Variants in CCDC3 observed in about 807,000 individuals in gnomAD.
CCDC3 encodes the protein coiled-coil domain-containing protein 3.
CCDC3 carries 24 observed loss-of-function variants against 21.4 expected under a neutral mutation model. The observed-to-expected ratio is 1.12, with a 90% CI of 0.81 to 1.58. The LOEUF is 1.58. CCDC3 is among the 40% of genes most tolerant of loss of function. CCDC3 has a pLI of 0.00. For missense variants in CCDC3, 425 were observed against 360.9 expected (o/e 1.18, Z -1.44); for synonymous variants, 186 against 166.0 (o/e 1.12, Z -0.93).
Position 13,001,239 on chromosome 10 carries a change from G to T in CCDC3, c.332C>A (p.Ser111Tyr). The change falls in exon 1 of 3, where the codon TCC (serine) becomes TAC (tyrosine). Residue 111 changes from serine (S) to tyrosine (Y), a missense_variant. Transcript: ENST00000378825. Reference protein sequence around the residue: ...LTGLGYFSCHSHTVVQDYSYF... With the variant: ...LTGLGYFSCHYHTVVQDYSYF... ...GGAGTAGTCCTGGACCACGGTGTGG[G>T]AGTGGCACGAGAAGTAGCCCAGGCC... The T allele has an allele frequency of 6.3e-7, 1 of 1,582,786 alleles. No individual in the cohort carries two copies. Among genetic ancestry groups the T allele is most frequent in the Non-Finnish European group, 8.6e-7 (1 of 1,165,104 alleles).
At chr10:13,022,814 G>A (rs1356177476) in intron 5 of CCDC3, among the ~76,000 whole-genome samples, 1 of 152,090 alleles carries the variant, frequency 6.6e-6, no homozygotes, top group Non-Finnish European at 1.5e-5. Context: ...AAGTAGAGTG[G>A]AAGTCTACTG....
At chr10:13,040,687 T>TCACTCACACACACACA (rs1554763772) in intron 5 of CCDC3, among the ~76,000 whole-genome samples, 11 of 142,754 alleles carry the variant, frequency 7.7e-5, no homozygotes, top group African/African-American at 2.9e-4. Context: ...CAAAACTCTG[T>TCACTCACACACACACA]CACACACACA....
chr10:13,090,432 G>T (rs1588422541), intron 3 of CCDC3, among the ~76,000 whole-genome samples: 1 of 152,124 alleles, frequency 6.6e-6, no homozygotes, highest in African/African-American at 2.4e-5. Flanking sequence ...CATTTGGGTT[G>T]GTTCCACATT....
chr10:12,982,193 C>A (rs1477008431), intron 2 of CCDC3, among the ~76,000 whole-genome samples: 1 of 148,242 alleles, frequency 6.7e-6, no homozygotes, highest in Non-Finnish European at 1.5e-5. Context: ...TGGTCACACG[C>A]TGCAACGTGG....
At chr10:13,055,372 C>T (rs1455915325) in intron 4 of CCDC3, among the ~76,000 whole-genome samples, 2 of 151,560 alleles carry the variant, frequency 1.3e-5, no homozygotes, top group Admixed American at 6.6e-5. Flanking sequence ...CACTCTGTCA[C>T]CCAGGCTGGA....
chr10:12,919,792 C>A (rs978452391), intron 2 of CCDC3, among the ~76,000 whole-genome samples: 6 of 152,256 alleles, frequency 3.9e-5, no homozygotes, highest in South Asian at 2.1e-4. Flanking sequence ...GCATGCAGCT[C>A]CCAGGGAGAT....
intron 5 of CCDC3, among the ~76,000 whole-genome samples, chr10:13,047,075 T>C (rs1022222679): frequency 2.0e-5 from 3 of 152,140 alleles, no homozygotes; most frequent in African/African-American, 7.2e-5. Flanking sequence ...ATGAAGCAGC[T>C]GTTACGAAAG....
chr10:13,096,204 G>A (rs923800541), intron 3 of CCDC3, among the ~76,000 whole-genome samples: 3 of 74,600 alleles, frequency 4.0e-5, no homozygotes, highest in African/African-American at 1.4e-4. Flanking sequence ...TTTCTTTTTG[G>A]ACAGAGTCTC....
intron 5 of CCDC3, among the ~76,000 whole-genome samples, chr10:13,033,881 T>C (rs184303422): frequency 2.4e-4 from 37 of 152,334 alleles, no homozygotes; most frequent in Admixed American, 2.4e-3. Context: ...GGAACACTTT[T>C]ACACTGTTGG....
intron 2 of CCDC3, among the ~76,000 whole-genome samples, chr10:12,954,285 C>T (rs1210282136): frequency 6.6e-6 from 1 of 152,196 alleles, no homozygotes; most frequent in Non-Finnish European, 1.5e-5. Context: ...TCCCAAATTA[C>T]TGGCTTGGCT....
chr10:12,910,670 C>T lies in CCDC3; in HGVS notation c.550-11991G>A, dbSNP rs899468684. Among the ~76,000 whole-genome samples, 7 of 144,318 alleles carry T rather than the reference C, an allele frequency of 4.9e-5. No homozygotes were observed. In the East Asian group the frequency reaches 6.3e-4, roughly 13 times the overall value. The allele number at this position is 144,318 out of a possible 152,430, so 94.7% of individuals were successfully genotyped here. A position where few individuals can be genotyped will look rare whatever the true frequency, so the allele number is the denominator to read the frequency against. ...TGTTGCCCAGGCTAGAATATAGTGG[C>T]GTGATCTTGGCTCACTGCAACCTCC... On this transcript the variant is annotated intron_variant, in intron 2 of 2. Transcript: ENST00000378825.
At chr10:12,958,247 G>C (rs1835124688) in intron 2 of CCDC3, among the ~76,000 whole-genome samples, 1 of 152,166 alleles carries the variant, frequency 6.6e-6, no homozygotes, top group Non-Finnish European at 1.5e-5. Flanking sequence ...CCAAGACCAT[G>C]AAGAAGTTTA....
intron 3 of CCDC3, among the ~76,000 whole-genome samples, chr10:13,075,318 T>C (rs1284590363): frequency 3.3e-5 from 5 of 152,246 alleles, no homozygotes; most frequent in Admixed American, 6.5e-5. Flanking sequence ...CTGGCACATG[T>C]AGGAGCTCCA....
At chr10:12,917,827 G>T (rs1834383884) in intron 2 of CCDC3, among the ~76,000 whole-genome samples, 1 of 152,098 alleles carries the variant, frequency 6.6e-6, no homozygotes, top group Non-Finnish European at 1.5e-5. Context: ...ACTGAATTTT[G>T]TACTTTCCTA....
intron 4 of CCDC3, among the ~76,000 whole-genome samples, chr10:13,064,216 G>A (rs975027080): frequency 6.6e-6 from 1 of 152,202 alleles, no homozygotes; most frequent in Non-Finnish European, 1.5e-5. Context: ...GAGCCACTGT[G>A]CCCGGCCAGC....
intron 3 of CCDC3, among the ~76,000 whole-genome samples, chr10:13,086,834 G>A (rs1422216537): frequency 6.6e-6 from 1 of 152,188 alleles, no homozygotes; most frequent in African/African-American, 2.4e-5. Context: ...CAGGGGGTCA[G>A]GAAGCGGCAC....
At chr10:13,001,873 G>A (rs1481012691), upstream of CCDC3, among the ~76,000 whole-genome samples, 4 of 151,836 alleles carry the variant, frequency 2.6e-5, no homozygotes, top group African/African-American at 7.2e-5. Context: ...GGGACTCGGA[G>A]AACGCGGGGA....
chr10:12,994,269 G>C (rs7075314), intron 2 of CCDC3, among the ~76,000 whole-genome samples: 9,151 of 151,874 alleles, frequency 0.06, 890 homozygotes, highest in African/African-American at 0.21. Context: ...ATGGTGGTGG[G>C]TGCCTGTAAT....
Position 13,023,566 on chromosome 10 carries a change from C to T in CCDC3, c.-1-25054G>A, listed in dbSNP as rs78333419. ...AGTCACACCACTCTTGCTAACGTCC[C>T]GTTGTCTAAAGCTAGTCACGTGGCC... On this transcript the variant is annotated intron_variant, in intron 5 of 6. Transcript: ENST00000378839. Among the ~76,000 whole-genome samples the T allele has an allele frequency of 2.0e-5, 3 of 152,232 alleles. No homozygotes were observed. In the East Asian group the frequency reaches 5.8e-4, roughly 29 times the overall value.
Sources: gnomAD v4.1 joint callset for allele counts (sites outside exome capture counted in the v4.1 genomes callset) on GRCh38, gnomAD v4.1.1 for gene constraint, MANE v1.5 for transcripts, NCBI Gene and HGNC (gene_info 2026-07-23, HGNC 2026-07-21) for gene names.